Variants in ERP27 observed in about 807,000 individuals in gnomAD.
ERP27 encodes the protein endoplasmic reticulum resident protein 27.
In ERP27, 23 loss-of-function variants were observed where a neutral mutation model predicts 27.7. The ratio of observed to expected loss-of-function variants is 0.83; its 90% CI spans 0.60 to 1.18. The LOEUF (loss-of-function observed/expected upper bound fraction) is 1.18, where lower values mean the gene tolerates loss of function less well. Ranked by LOEUF, ERP27 falls within the 50% of genes most tolerant of loss-of-function variation. The pLI is 0.00. For missense variants in ERP27, 363 were observed against 327.9 expected, an observed-to-expected ratio of 1.11 and a Z score of -0.83; for synonymous variants, 159 against 118.3, an observed-to-expected ratio of 1.34 and a Z score of -2.23.
chr12:14,916,991 G>A (rs1863419664), intron 5 of ERP27, among the ~76,000 whole-genome samples, 187 bp downstream of exon 5: 1 of 152,152 alleles, frequency 6.6e-6, no homozygotes, highest in Non-Finnish European at 1.5e-5. Context: ...AATTACATAT[G>A]CCTTTAATAT....
intron 3 of ERP27, among the ~76,000 whole-genome samples, chr12:14,927,284 C>T (rs1440785724): frequency 1.3e-5 from 2 of 151,416 alleles, no homozygotes; most frequent in Non-Finnish European, 2.9e-5. Flanking sequence ...TATATATTTG[C>T]ATATGTGTAG....
At chr12:14,920,578 C>T (rs891157800) in intron 4 of ERP27, among the ~76,000 whole-genome samples, 1 of 152,112 alleles carries the variant, frequency 6.6e-6, no homozygotes, top group Admixed American at 6.5e-5. Flanking sequence ...CGCTATGTTG[C>T]CCAGGCTGGT....
rs117361192 is a variant in ERP27, at chr12:14,936,623, T to C, written c.195+1329A>G. On this transcript the variant is annotated intron_variant, in intron 2 of 6. Coordinates refer to ENST00000266397, the MANE Select transcript of ERP27 (RefSeq NM_152321.4). ...CCCCATAATCCCCACATGTCAAGGG[T>C]GGGACCAGGTGGCAGTAATGGGATC... 3.7e-4 allele frequency among the ~76,000 whole-genome samples: 56 copies of C among 152,204 alleles called. No individual in the cohort carries two copies. In the East Asian group the frequency reaches 0.01, roughly 27 times the overall value.
chr12:14,936,503 C>T lies in ERP27; in HGVS notation c.195+1449G>A, dbSNP rs141830371. On this transcript the variant is annotated intron_variant, in intron 2 of 6. Transcript: ENST00000266397. Reference sequence around the variant, plus strand: ...AAACATGTTCTACCCTGCAAGTCCCCAGGCTGAAGGAGGAGATGTGCAAGG... The same window carrying T: ...AAACATGTTCTACCCTGCAAGTCCCTAGGCTGAAGGAGGAGATGTGCAAGG... Among the ~76,000 whole-genome samples, 645 of 152,270 alleles carry T rather than the reference C, an allele frequency of 4.2e-3. 9 individuals carry two copies. Among genetic ancestry groups the T allele is most frequent in the African/African-American group, 0.014 (589 of 41,560 alleles).
chr12:14,938,285 G>A (rs1363828577), intron 1 of ERP27, 130 bp downstream of exon 1: 1 of 802,884 alleles, frequency 1.2e-6, no homozygotes, highest in Non-Finnish European at 1.9e-6. Context: ...CAGGCAAAAT[G>A]CACTTATCCA....
intron 1 of ERP27, among the ~76,000 whole-genome samples, 170 bp from the exon 2 acceptor site, chr12:14,938,222 C>A (rs766669408): frequency 6.6e-6 from 1 of 152,104 alleles, no homozygotes; most frequent in Non-Finnish European, 1.5e-5. Context: ...TGGAAGGTGA[C>A]CCTACTGATG....
intron 4 of ERP27, among the ~76,000 whole-genome samples, chr12:14,918,817 T>G (rs1863454551): frequency 6.6e-6 from 1 of 152,172 alleles, no homozygotes; most frequent in South Asian, 2.1e-4. Flanking sequence ...TAAAATCAAG[T>G]TTTAGATTTT....
chr12:14,932,481 T>C (rs1863711579), intron 3 of ERP27, among the ~76,000 whole-genome samples: 1 of 152,136 alleles, frequency 6.6e-6, no homozygotes, highest in Admixed American at 6.6e-5. Context: ...TGTGTATAGT[T>C]GGCTACTGAG....
intron 3 of ERP27, among the ~76,000 whole-genome samples, chr12:14,925,509 TA>T (rs1430219605): frequency 1.3e-5 from 2 of 152,182 alleles, no homozygotes; most frequent in Non-Finnish European, 2.9e-5. Flanking sequence ...AAATGTTTCC[TA>T]ATTTTTTGTT....
chr12:14,914,729 G>A lies in ERP27; in HGVS notation c.*6C>T, dbSNP rs759584944. The A allele has an allele frequency of 2.5e-6, 4 of 1,612,848 alleles. No individual in the cohort carries two copies. Among genetic ancestry groups the A allele is most frequent in the Admixed American group, 1.7e-5 (1 of 59,760 alleles). ...ATACTTGGCCATATGTAGTTCCAAGGAGAAGTCAGAGTTCCACCTTTGGAG... is the reference window on the plus strand; with the variant it reads ...ATACTTGGCCATATGTAGTTCCAAGAAGAAGTCAGAGTTCCACCTTTGGAG... On this transcript the variant is annotated 3_prime_UTR_variant, in exon 7 of 7. Transcript: ENST00000266397.
chr12:14,935,938 C>A (rs183071060), intron 2 of ERP27, among the ~76,000 whole-genome samples: 2 of 152,160 alleles, frequency 1.3e-5, no homozygotes, highest in Admixed American at 1.3e-4. Context: ...CCCAGGCCAG[C>A]CTTGAACTCC....
chr12:14,930,397 T>G (rs1351173329), intron 3 of ERP27, among the ~76,000 whole-genome samples: 1 of 152,160 alleles, frequency 6.6e-6, no homozygotes, highest in Non-Finnish European at 1.5e-5. Flanking sequence ...CAAAGTTAGG[T>G]TAATTATGTT....
Position 14,917,159 on chromosome 12 carries a change from A to G in ERP27, c.576+19T>C, listed in dbSNP as rs1452682344. 1 of 1,613,832 alleles carries G rather than the reference A, an allele frequency of 6.2e-7. No homozygotes were observed. Among genetic ancestry groups the G allele is most frequent in the Non-Finnish European group, 8.5e-7 (1 of 1,179,914 alleles). On this transcript the variant is annotated intron_variant, in intron 5 of 6. Transcript: ENST00000266397. ...CCTGGAGGTGTGTATGCAATAGGATATTCCCATTCTTGCCTTACCTTCCCC... is the reference window on the plus strand; with the variant it reads ...CCTGGAGGTGTGTATGCAATAGGATGTTCCCATTCTTGCCTTACCTTCCCC...
Position 14,934,996 on chromosome 12 carries a change from A to G in ERP27, c.196-3T>C, listed in dbSNP as rs1863754135. On this transcript the variant is annotated splice_region_variant and splice_polypyrimidine_tract_variant and intron_variant, in intron 2 of 6. Coordinates refer to ENST00000266397, the MANE Select transcript of ERP27 (RefSeq NM_152321.4). ...GGCACTGCTGGTATTTCTAAATCCT[A>G]AAAACAAGAGAAAAAATAATACCAC... The G allele has an allele frequency of 2.5e-6, 4 of 1,613,508 alleles. No individual in the cohort carries two copies. The highest frequency in any genetic ancestry group is 3.4e-6 in the Non-Finnish European group (4 of 1,179,704).
intron 3 of ERP27, among the ~76,000 whole-genome samples, chr12:14,925,821 G>C (rs1020736796): frequency 3.3e-5 from 5 of 152,066 alleles, no homozygotes; most frequent in Non-Finnish European, 5.9e-5. Context: ...TGTAATCCCA[G>C]CACTTTGGGA....
rs746594620 is a variant in ERP27, at chr12:14,938,430, C to G, written c.79G>C (p.Val27Leu). 6.2e-7 allele frequency: 1 copy of G among 1,614,140 alleles called. No homozygotes were observed. Among genetic ancestry groups the G allele is most frequent in the Non-Finnish European group, 8.5e-7 (1 of 1,179,986 alleles). ...CELAAEVAAE[V>L]EKSSDGPGAA... ...TTTCTTTTACCTGAGGATTTCTCAA[C>G]TTCTGCAGCAACTTCTGCAGCCAGC... is the stretch of plus-strand genomic sequence containing the variant. The change falls in exon 1 of 7, where the codon GTT becomes CTT. Residue 27 changes from valine (V) to leucine (L), a missense_variant. Physicochemically the swap from Val to Leu is conservative, Grantham distance 32. Coordinates refer to ENST00000266397, the MANE Select transcript of ERP27 (RefSeq NM_152321.4).
chr12:14,914,731 GAA>G lies in ERP27; in HGVS notation c.*2_*3del. The stretch of plus-strand genomic sequence containing the variant: ...ACTTGGCCATATGTAGTTCCAAGGA[GAA>G]GTCAGAGTTCCACCTTTGGAGTCTT... On this transcript the variant is annotated 3_prime_UTR_variant, in exon 7 of 7. Transcript: ENST00000266397. 1 of 1,612,908 alleles carries G rather than the reference GAA, an allele frequency of 6.2e-7. No individual in the cohort carries two copies. Among genetic ancestry groups the G allele is most frequent in the Non-Finnish European group, 8.5e-7 (1 of 1,179,434 alleles).
At chr12:14,925,516 T>C (rs1863586700) in intron 3 of ERP27, among the ~76,000 whole-genome samples, 1 of 152,152 alleles carries the variant, frequency 6.6e-6, no homozygotes, top group African/African-American at 2.4e-5. Flanking sequence ...TCCTAATTTT[T>C]TGTTCTTAAT....
Position 14,917,177 on chromosome 12 carries a change from C to T in ERP27, c.576+1G>A. 6.2e-7 allele frequency: 1 copy of T among 1,614,124 alleles called. No individual in the cohort carries two copies. On this transcript the variant is annotated splice_donor_variant, in intron 5 of 6. Transcript: ENST00000266397. LOFTEE classifies it high-confidence loss of function. ...ATAGGATATTCCCATTCTTGCCTTA[C>T]CTTCCCCTGGAAGAGCTTGGCTGCC...
Sources: gnomAD v4.1 joint callset for allele counts (sites outside exome capture counted in the v4.1 genomes callset) on GRCh38, gnomAD v4.1.1 for gene constraint, MANE v1.5 for transcripts, NCBI Gene and HGNC (gene_info 2026-07-23, HGNC 2026-07-21) for gene names.